Variants in ECHDC1 observed in about 807,000 individuals in gnomAD.
ECHDC1 encodes the protein ethylmalonyl-CoA decarboxylase 1, also known as ethylmalonyl-CoA decarboxylase.
Under a neutral mutation model 29.7 loss-of-function variants are expected in ECHDC1, and 29 were observed. That is an observed-to-expected ratio of 0.98 (90% CI 0.73 to 1.33). The LOEUF is 1.33. ECHDC1 is among the 40% of genes most tolerant of loss of function. ECHDC1 has a pLI of 0.00. For missense variants in ECHDC1, 328 were observed against 350.0 expected, an observed-to-expected ratio of 0.94 and a Z score of 0.50; for synonymous variants, 126 against 123.1, an observed-to-expected ratio of 1.02 and a Z score of -0.15.
intron 5 of ECHDC1, among the ~76,000 whole-genome samples, chr6:127,296,235 C>A (rs1780584039): frequency 6.6e-6 from 1 of 152,050 alleles, no homozygotes; most frequent in Non-Finnish European, 1.5e-5. Context: ...ACTCCATTGC[C>A]CAGGCTGGAG....
intron 1 of ECHDC1, among the ~76,000 whole-genome samples, chr6:127,339,138 T>C (rs761412348): frequency 6.6e-6 from 1 of 151,974 alleles, no homozygotes; most frequent in African/African-American, 2.4e-5. Context: ...ACATATTGCA[T>C]CAGTAGCCAC....
chr6:127,294,404 A>G (rs1780428206), intron 5 of ECHDC1: 1 of 152,220 alleles, frequency 6.6e-6, no homozygotes, highest in African/African-American at 2.4e-5. Context: ...GTTCACACGT[A>G]TATTTTCCTG....
intron 5 of ECHDC1, among the ~76,000 whole-genome samples, chr6:127,304,200 G>A (rs572419964): frequency 2.0e-5 from 3 of 152,202 alleles, no homozygotes; most frequent in Admixed American, 2.0e-4. Flanking sequence ...AGCAGAGAGA[G>A]AGAGAGATGT....
intron 4 of ECHDC1, 90 bp from the exon 5 acceptor site, chr6:127,314,986 G>T: frequency 8.1e-7 from 1 of 1,229,460 alleles, no homozygotes; most frequent in Non-Finnish European, 1.2e-6. Flanking sequence ...AAAATGCAGT[G>T]GAAACAAAAT....
At chr6:127,303,400 G>A (rs1340470127) in intron 5 of ECHDC1, among the ~76,000 whole-genome samples, 1 of 152,166 alleles carries the variant, frequency 6.6e-6, no homozygotes, top group Non-Finnish European at 1.5e-5. Flanking sequence ...TGAATAATAA[G>A]GAAGCGAAAC....
chr6:127,327,285 T>A, intron 2 of ECHDC1, 141 bp from the exon 3 acceptor site: 1 of 925,126 alleles, frequency 1.1e-6, no homozygotes, highest in Non-Finnish European at 1.6e-6. Flanking sequence ...AAATGCCTAC[T>A]GCACTGGCAC....
intron 3 of ECHDC1, among the ~76,000 whole-genome samples, chr6:127,323,002 A>G (rs1782967833): frequency 6.6e-6 from 1 of 152,134 alleles, no homozygotes; most frequent in Non-Finnish European, 1.5e-5. Context: ...GAGTGCTGAC[A>G]TGATACTGTA....
intron 5 of ECHDC1, among the ~76,000 whole-genome samples, chr6:127,301,051 CAT>C (rs1781015121): frequency 6.6e-6 from 1 of 152,124 alleles, no homozygotes; most frequent in Admixed American, 6.5e-5. Flanking sequence ...AAAATGGAAA[CAT>C]AATGCTTGAC....
rs142869825 is a variant in ECHDC1 at position 127,331,249 on chromosome 6, G to A, written c.-2-219C>T. On this transcript the variant is annotated intron_variant, in intron 1 of 5. Coordinates refer to ENST00000454859, the MANE Select transcript of ECHDC1 (RefSeq NM_001002030.2). The stretch of plus-strand genomic sequence containing the variant: ...AAACCTCTGCCTCCCAGCTTCAAAC[G>A]ATTCTCCTATCTCAGCTTCCCAATT... 9.9e-5 allele frequency among the ~76,000 whole-genome samples: 15 copies of A among 151,058 alleles called. No individual in the cohort carries two copies. The East Asian group carries it at 1.6e-3, about 16-fold the overall frequency.
intron 5 of ECHDC1, among the ~76,000 whole-genome samples, chr6:127,299,585 A>G (rs1392196056): frequency 6.6e-6 from 1 of 152,170 alleles, no homozygotes; most frequent in East Asian, 1.9e-4. Flanking sequence ...CTATTACAAA[A>G]GAATAAAAAA....
rs777110007 is a variant in ECHDC1 at position 127,330,792 on chromosome 6, A to G, written c.220+17T>C. 2 of 1,590,184 alleles carry G rather than the reference A, an allele frequency of 1.3e-6. No homozygotes were observed. Among genetic ancestry groups the G allele is most frequent in the South Asian group, 2.2e-5 (2 of 90,324 alleles). On this transcript the variant is annotated intron_variant, in intron 2 of 5. Transcript: ENST00000454859. ...AGATTTAGTGTCATTCTTTAGGAAT[A>G]AAAAGATCCCTAATACCTGAAAAGG...
At chr6:127,306,879 C>A (rs1410151597) in intron 5 of ECHDC1, among the ~76,000 whole-genome samples, 1 of 152,216 alleles carries the variant, frequency 6.6e-6, no homozygotes, top group Non-Finnish European at 1.5e-5. Flanking sequence ...AATACACATT[C>A]TTTTCCTCAG....
chr6:127,327,786 T>G (rs1049081543), intron 2 of ECHDC1, among the ~76,000 whole-genome samples: 3 of 152,232 alleles, frequency 2.0e-5, no homozygotes, highest in African/African-American at 7.2e-5. Flanking sequence ...GTTACCTTGA[T>G]ATTACTCCAA....
intron 2 of ECHDC1, chr6:127,329,978 A>C (rs538827835): frequency 2.5e-6 from 1 of 394,618 alleles, no homozygotes; most frequent in South Asian, 1.9e-5. Flanking sequence ...CTATAGTACA[A>C]CTGTATATAA....
intron 5 of ECHDC1, among the ~76,000 whole-genome samples, chr6:127,309,801 G>A (rs1781752103): frequency 1.3e-5 from 2 of 152,318 alleles, no homozygotes; most frequent in South Asian, 2.1e-4. Context: ...GGCAGAAGGC[G>A]AAGCGGAAGC....
At chr6:127,329,112 A>AT (rs1294154830) in intron 2 of ECHDC1, among the ~76,000 whole-genome samples, 5 of 151,536 alleles carry the variant, frequency 3.3e-5, no homozygotes, top group African/African-American at 7.3e-5. Flanking sequence ...TATGGTGCTG[A>AT]TTTTTTTTTA....
At chr6:127,315,005 T>A (rs983005936) in intron 4 of ECHDC1, 109 bp from the exon 5 acceptor site, 3 of 969,914 alleles carry the variant, frequency 3.1e-6, no homozygotes, top group East Asian at 5.3e-5. Flanking sequence ...ATTATTGCAC[T>A]GTCTTCATAA....
intron 5 of ECHDC1, among the ~76,000 whole-genome samples, chr6:127,304,957 A>C (rs1250972292): frequency 6.6e-6 from 1 of 152,238 alleles, no homozygotes; most frequent in Non-Finnish European, 1.5e-5. Context: ...TTGGCCTTAA[A>C]GAAGAGGTAG....
chr6:127,297,006 C>T (rs1416364561), intron 5 of ECHDC1, among the ~76,000 whole-genome samples: 2 of 151,246 alleles, frequency 1.3e-5, no homozygotes, highest in East Asian at 3.9e-4. Flanking sequence ...AAGACCTTGC[C>T]TCAAAAAGAA....
Sources: gnomAD v4.1 joint callset for allele counts (sites outside exome capture counted in the v4.1 genomes callset) on GRCh38, gnomAD v4.1.1 for gene constraint, MANE v1.5 for transcripts, NCBI Gene and HGNC (gene_info 2026-07-23, HGNC 2026-07-21) for gene names.